The following ARHGAP24 variants were observed in gnomAD, a reference collection of about 807,000 sequenced individuals.
ARHGAP24 encodes Rho GTPase activating protein 24.
A neutral mutation model predicts 76.4 loss-of-function variants in ARHGAP24; 50 were observed. The ratio of observed to expected loss-of-function variants is 0.65; its 90% confidence interval spans 0.52 to 0.83. The LOEUF (loss-of-function observed/expected upper bound fraction) is 0.83, where lower values mean the gene tolerates loss of function less well. ARHGAP24 is among the 40% of genes least tolerant of loss of function. The pLI is 0.00. For synonymous variants in ARHGAP24, 345 were observed against 323.3 expected (o/e 1.07, Z -0.72); for missense variants, 930 against 914.2 (o/e 1.02, Z -0.22).
intron 3 of ARHGAP24, among the ~76,000 whole-genome samples, chr4:85,829,240 T>C (rs1407415696): frequency 6.6e-6 from 1 of 152,194 alleles, no homozygotes; most frequent in African/African-American, 2.4e-5. Context: ...GATATCCATT[T>C]TGATAGACTT....
chr4:85,517,956 G>C (rs1724579603), intron 1 of ARHGAP24, among the ~76,000 whole-genome samples: 1 of 152,096 alleles, frequency 6.6e-6, no homozygotes, highest in South Asian at 2.1e-4. Flanking sequence ...GGGTGTCACA[G>C]GCAAGCACAC....
At position 85,566,328 on chromosome 4, in the gene ARHGAP24, A is replaced by G. The variant is rs546773979; in HGVS notation, c.-20-4194A>G. On this transcript the variant is annotated intron_variant, in intron 1 of 9. Transcript: ENST00000395184. The stretch of plus-strand genomic sequence containing the variant: ...CTGAGAATTTGAGTGAATAAACTGT[A>G]CTTAGTGTTAAACCACAATTGGTTA... Among the ~76,000 whole-genome samples the G allele has an allele frequency of 3.3e-5, 5 of 152,260 alleles. No individual in the cohort carries two copies. The South Asian group carries it at 1.0e-3, about 32-fold the overall frequency.
intron 3 of ARHGAP24, among the ~76,000 whole-genome samples, chr4:85,768,222 AT>A (rs1368700663): frequency 6.6e-6 from 1 of 152,288 alleles, no homozygotes; most frequent in Admixed American, 6.5e-5. Context: ...AGTTTGATTT[AT>A]TTTTTTATTC....
At chr4:85,608,535 GT>G (rs1211907851) in intron 2 of ARHGAP24, among the ~76,000 whole-genome samples, 10 of 129,154 alleles carry the variant, frequency 7.7e-5, no homozygotes, top group Non-Finnish European at 1.7e-4. Flanking sequence ...AGTACTCAAT[GT>G]TTTTTTGTTT....
In ARHGAP24 at chr4:85,994,901, C is replaced by A; in HGVS notation, c.1247C>A (p.Pro416His). ...SVHKLDVSRSPPLMVKKNPAF... is the reference protein window; with the variant it reads ...SVHKLDVSRSHPLMVKKNPAF... ...CACAAGCTAGATGTGTCTAGAAGCCCCCCTCTCATGGTCAAAAAGAACCCA... is the reference window on the plus strand; with the variant it reads ...CACAAGCTAGATGTGTCTAGAAGCCACCCTCTCATGGTCAAAAAGAACCCA... The change falls in exon 9 of 10, where the codon CCC (proline) becomes CAC (histidine). Residue 416 changes from proline to histidine, a missense_variant. Physicochemically the swap from Pro to His is moderately conservative, Grantham distance 77. Coordinates refer to ENST00000395184, the MANE Select transcript of ARHGAP24 (RefSeq NM_001025616.3). 4.3e-6 allele frequency: 7 copies of A among 1,613,986 alleles called. No individual in the cohort carries two copies. The highest frequency in any genetic ancestry group is 5.9e-6 in the Non-Finnish European group (7 of 1,179,986).
At chr4:85,599,132 G>T (rs1253254987) in intron 2 of ARHGAP24, among the ~76,000 whole-genome samples, 1 of 152,102 alleles carries the variant, frequency 6.6e-6, no homozygotes, top group Non-Finnish European at 1.5e-5. Context: ...AAGTCTAAAT[G>T]GTTTGCTCTG....
chr4:85,627,984 C>T (rs1578091285), intron 2 of ARHGAP24, among the ~76,000 whole-genome samples: 1 of 152,226 alleles, frequency 6.6e-6, no homozygotes, highest in African/African-American at 2.4e-5. Flanking sequence ...TCACCCCTGT[C>T]TTTGACTAGG....
chr4:85,936,375 AC>A (rs1349082826), intron 4 of ARHGAP24, among the ~76,000 whole-genome samples: 1 of 152,086 alleles, frequency 6.6e-6, no homozygotes, highest in African/African-American at 2.4e-5. Context: ...TCTGTGCGTC[AC>A]CCATCTTGAT....
intron 2 of ARHGAP24, among the ~76,000 whole-genome samples, chr4:85,599,461 C>T (rs528904690): frequency 4.6e-5 from 7 of 152,154 alleles, no homozygotes; most frequent in Admixed American, 3.9e-4. Flanking sequence ...ATAAAGGTTC[C>T]ATAGAGCAGA....
At chr4:85,649,761 C>A (rs757477570) in intron 2 of ARHGAP24, among the ~76,000 whole-genome samples, 5 of 152,072 alleles carry the variant, frequency 3.3e-5, no homozygotes, top group Non-Finnish European at 4.4e-5. Flanking sequence ...ACTGGAGAAG[C>A]AATAAAATAA....
At chr4:85,664,181 A>G (rs1216559791) in intron 2 of ARHGAP24, among the ~76,000 whole-genome samples, 1 of 151,496 alleles carries the variant, frequency 6.6e-6, no homozygotes, top group Non-Finnish European at 1.5e-5. Context: ...TATTGCCACA[A>G]TTTCAGAGCC....
chr4:85,945,812 T>G (rs909599280), intron 5 of ARHGAP24, among the ~76,000 whole-genome samples: 10 of 151,148 alleles, frequency 6.6e-5, no homozygotes, highest in Admixed American at 5.9e-4. Context: ...TTAAAATTAC[T>G]AGAGACCTTA....
chr4:85,933,415 C>A (rs1308420310), intron 4 of ARHGAP24, among the ~76,000 whole-genome samples: 1 of 152,122 alleles, frequency 6.6e-6, no homozygotes, highest in Non-Finnish European at 1.5e-5. Context: ...TTAGAGCTTG[C>A]ATGTTGTGCA....
chr4:85,958,213 T>A (rs895410102), intron 5 of ARHGAP24, among the ~76,000 whole-genome samples: 3 of 152,306 alleles, frequency 2.0e-5, no homozygotes, highest in Admixed American at 6.5e-5. Context: ...TTTCCTCATA[T>A]AAAATAGAAA....
chr4:85,807,542 C>T (rs1728842230), intron 3 of ARHGAP24, among the ~76,000 whole-genome samples: 1 of 152,088 alleles, frequency 6.6e-6, no homozygotes, highest in South Asian at 2.1e-4. Flanking sequence ...ATTGTCTTTC[C>T]TTGCCTTATT....
At chr4:85,484,124 T>G (rs1457915716) in intron 1 of ARHGAP24, among the ~76,000 whole-genome samples, 2 of 152,218 alleles carry the variant, frequency 1.3e-5, no homozygotes, top group Non-Finnish European at 2.9e-5. Flanking sequence ...CTATGCCATC[T>G]ACTCATAGTG....
intron 3 of ARHGAP24, among the ~76,000 whole-genome samples, chr4:85,871,216 T>C (rs1732507945): frequency 6.6e-6 from 1 of 152,128 alleles, no homozygotes; most frequent in Non-Finnish European, 1.5e-5. Flanking sequence ...GACCTAAAGT[T>C]AATATAATTT....
intron 3 of ARHGAP24, among the ~76,000 whole-genome samples, chr4:85,757,083 T>C (rs537215552): frequency 1.3e-5 from 2 of 152,228 alleles, no homozygotes; most frequent in East Asian, 1.9e-4. Flanking sequence ...GAGCCTGTAA[T>C]GAGTCAATTA....
At chr4:85,496,668 G>A (rs560063624) in intron 1 of ARHGAP24, among the ~76,000 whole-genome samples, 1 of 152,278 alleles carries the variant, frequency 6.6e-6, no homozygotes, top group African/African-American at 2.4e-5. Context: ...GCAAGCTCCC[G>A]GGTATATTAA....
Sources: allele counts gnomAD v4.1 joint callset (sites outside exome capture counted in the v4.1 genomes callset), GRCh38; gene constraint gnomAD v4.1.1; transcripts MANE v1.5; gene names NCBI Gene and HGNC (gene_info 2026-07-23, HGNC 2026-07-21).